KRT76: variants seen among roughly 807,000 people sequenced by gnomAD.
KRT76 encodes keratin 76, also known as keratin, type II cytoskeletal 2 oral.
In KRT76, 47 loss-of-function variants were observed where a neutral mutation model predicts 44.9. The ratio of observed to expected loss-of-function variants is 1.05; its 90% CI spans 0.83 to 1.33. The LOEUF is 1.33. Ranked by LOEUF, KRT76 falls within the 40% of genes most tolerant of loss-of-function variation. The pLI is 0.00. For synonymous variants in KRT76, 331 were observed against 294.1 expected (o/e 1.13, Z -1.28); for missense variants, 860 against 775.8 (o/e 1.11, Z -1.29).
chr12:52,773,710 C>T, intron 2 of KRT76, 68 bp from the exon 3 acceptor site: 1 of 1,337,968 alleles, frequency 7.5e-7, no homozygotes. Flanking sequence ...GTGAGGATTC[C>T]AGGCACTCTC....
Position 52,771,095 on chromosome 12 carries a change from C to A in KRT76, c.1388G>T (p.Arg463Leu), listed in dbSNP as rs199634546. Residue 463 changes from arginine (R) to leucine (L), a missense_variant, in exon 7 of 9, where the codon CGG (arginine) becomes CTG (leucine). Physicochemically the swap from Arg to Leu is moderately radical, Grantham distance 102. Coordinates refer to ENST00000332411, the MANE Select transcript of KRT76 (RefSeq NM_015848.4). ...CAGCTCCTGGTAGTCACGCAGGAGC[C>A]GAGCCAGGTCATCCTTAGCCTTCTG... ...ALQKAKDDLA[R>L]LLRDYQELMN... 6.2e-7 allele frequency: 1 copy of A among 1,612,752 alleles called. No individual in the cohort carries two copies. Among genetic ancestry groups the A allele is most frequent in the Non-Finnish European group, 8.5e-7 (1 of 1,179,692 alleles).
chr12:52,777,253 C>T lies in KRT76; in HGVS notation c.39G>A (p.Arg13=), dbSNP rs1190124025. The T allele has an allele frequency of 7.4e-6, 12 of 1,614,084 alleles. No individual in the cohort carries two copies. Among genetic ancestry groups the T allele is most frequent in the Non-Finnish European group, 1.0e-5 (12 of 1,180,052 alleles). Residue 13 remains arginine (R), a synonymous_variant, in exon 1 of 9, where the codon AGG becomes AGA. Transcript: ENST00000332411. The part of the protein sequence containing the change: ...RQVCKKSFSG[R]SQGFSGRSAV... ...CAGAGCGGCCAGAGAAACCCTGGCT[C>T]CTGCCACTGAAGGATTTCTTGCAAA...
rs769618511 is a variant in KRT76 at position 52,770,928 on chromosome 12, G to T, written c.1484+71C>A. The T allele has an allele frequency of 3.1e-6, 5 of 1,588,184 alleles. No individual in the cohort carries two copies. The African/African-American group carries it at 5.4e-5, about 17-fold the overall frequency. Reference sequence around the variant, plus strand: ...TTAGTGTTCCTCTCCTTATCATCTTGCCCCCTTTCCACATTATCAAAGGTC... The same window carrying T: ...TTAGTGTTCCTCTCCTTATCATCTTTCCCCCTTTCCACATTATCAAAGGTC... On this transcript the variant is annotated intron_variant, in intron 7 of 8. Coordinates refer to ENST00000332411, the MANE Select transcript of KRT76 (RefSeq NM_015848.4).
chr12:52,775,374 G>A lies in KRT76; in HGVS notation c.815+14C>T, dbSNP rs1939244497. 2 of 1,613,010 alleles carry A rather than the reference G, an allele frequency of 1.2e-6. No individual in the cohort carries two copies. The highest frequency in any genetic ancestry group is 1.1e-5 in the South Asian group (1 of 91,044). On this transcript the variant is annotated intron_variant, in intron 2 of 8. Transcript: ENST00000332411. ...ATTCCCCAGAAGGGGAAACTTCCCA[G>A]GAGGAGCCCTCACTTCTTTTTGAAG...
At chr12:52,773,696 A>G in intron 2 of KRT76, 54 bp from the exon 3 acceptor site, 2 of 1,509,840 alleles carry the variant, frequency 1.3e-6, no homozygotes, top group Non-Finnish European at 1.8e-6. Flanking sequence ...AGTAAAAAAG[A>G]GAGGTGAGGA....
In KRT76 at chr12:52,768,830, G is replaced by A. The variant is rs1939131816; in HGVS notation, c.1800C>T (p.Ser600=). 6.2e-7 allele frequency: 1 copy of A among 1,613,980 alleles called. No homozygotes were observed. The highest frequency in any genetic ancestry group is 2.2e-5 in the East Asian group (1 of 44,872). The change falls in exon 9 of 9, where the codon TCC becomes TCT. Residue 600 remains serine (S), a synonymous_variant. Coordinates refer to ENST00000332411, the MANE Select transcript of KRT76 (RefSeq NM_015848.4). ...CAGAAGTCTGGATGCTGCCAGAGCTGGAGCCCATTCCACTGTGGCTCACGG... is the reference window on the plus strand; with the variant it reads ...CAGAAGTCTGGATGCTGCCAGAGCTAGAGCCCATTCCACTGTGGCTCACGG... ...SISVSHSGMG[S]SSGSIQTSGG...
intron 3 of KRT76, 84 bp downstream of exon 3, chr12:52,773,498 C>A: frequency 1.1e-6 from 1 of 937,438 alleles, no homozygotes; most frequent in Non-Finnish European, 1.7e-6. Flanking sequence ...GGTCCCTGTG[C>A]CCCAGAACAG....
chr12:52,771,063 C>T lies in KRT76; in HGVS notation c.1420G>A (p.Val474Ile), dbSNP rs61730596. 16,224 of 1,614,100 alleles carry T rather than the reference C, an allele frequency of 0.01. 120 individuals carry two copies. The highest frequency in any genetic ancestry group is 0.023 in the South Asian group (2,108 of 91,076). ...LLRDYQELMNVKLALDVEIAT... is the reference protein window; with the variant it reads ...LLRDYQELMNIKLALDVEIAT... ...ATCTCCACATCCAGGGCCAGCTTGA[C>T]GTTCATCAGCTCCTGGTAGTCACGC... The change falls in exon 7 of 9, where the codon GTC (valine) becomes ATC (isoleucine). Residue 474 changes from valine (V) to isoleucine (I), a missense_variant. Val to Ile is a conservative substitution (Grantham distance 29). Transcript: ENST00000332411.
chr12:52,777,148 G>A lies in KRT76; in HGVS notation c.144C>T (p.Ser48=), dbSNP rs748744092. Residue 48 remains serine (S), a synonymous_variant, in exon 1 of 9, where the codon AGC becomes AGT. Coordinates refer to ENST00000332411, the MANE Select transcript of KRT76 (RefSeq NM_015848.4). The stretch of plus-strand genomic sequence containing the variant: ...TGCGACTGCCAAAGCTGCCTGCTCC[G>A]CTCCTGAAGCCACAGGCCCCTCCAC... The part of the protein sequence containing the change: ...GAGGGACGFR[S]GAGSFGSRSL... 8.1e-5 allele frequency: 131 copies of A among 1,614,030 alleles called. 1 individual carries two copies. The highest frequency in any genetic ancestry group is 4.7e-4 in the South Asian group (43 of 91,076).
intron 1 of KRT76, among the ~76,000 whole-genome samples, chr12:52,776,194 C>T (rs908370195): frequency 5.9e-5 from 9 of 152,158 alleles, no homozygotes; most frequent in Non-Finnish European, 1.2e-4. Context: ...CCCAGAACAC[C>T]CTCCTCTGCC....
chr12:52,773,517 G>C, intron 3 of KRT76, 65 bp downstream of exon 3: 1 of 1,171,334 alleles, frequency 8.5e-7, no homozygotes. Flanking sequence ...AGCTGGCTGT[G>C]CACTCTCTCC....
Position 52,776,869 on chromosome 12 carries a change from A to G in KRT76, c.423T>C (p.Gly141=). 5.0e-6 allele frequency: 8 copies of G among 1,612,628 alleles called. No homozygotes were observed. The highest frequency in any genetic ancestry group is 3.4e-5 in the Admixed American group (2 of 59,622). ...PGVFGGPGSF[G]GPGGFGPGGF... Reference sequence around the variant, plus strand: ...CCCCAGGGCCAAAGCCACCAGGACCACCAAAGCTGCCAGGCCCACCAAATA... The same window carrying G: ...CCCCAGGGCCAAAGCCACCAGGACCGCCAAAGCTGCCAGGCCCACCAAATA... The change falls in exon 1 of 9, where the codon GGT becomes GGC. Residue 141 remains glycine, a synonymous_variant. Transcript: ENST00000332411.
At chr12:52,773,208 G>A (rs1939212612) in intron 3 of KRT76, among the ~76,000 whole-genome samples, 1 of 152,124 alleles carries the variant, frequency 6.6e-6, no homozygotes, top group Non-Finnish European at 1.5e-5. Flanking sequence ...ACAGAAATTA[G>A]GGTATTCTCA....
chr12:52,768,477 A>AAC lies in KRT76; in HGVS notation c.*235_*236insGT. On this transcript the variant is annotated 3_prime_UTR_variant, in exon 9 of 9. Coordinates refer to ENST00000332411, the MANE Select transcript of KRT76 (RefSeq NM_015848.4). ...GGGCTCAGGGGTTGCTGTCCAAAGT[A>AAC]AGGGGCCATTGCAGGAAGGTTTCCA... 6.2e-6 allele frequency: 3 copies of AAC among 485,276 alleles called. No homozygotes were observed. The highest frequency in any genetic ancestry group is 1.1e-5 in the Non-Finnish European group (3 of 274,286). The allele number at this position is 485,276 out of a possible 1,614,324, so 30.1% of individuals were successfully genotyped here. A position where few individuals can be genotyped will look rare whatever the true frequency, so the allele number is the denominator to read the frequency against.
chr12:52,770,309 G>A (rs1258359546), intron 7 of KRT76, among the ~76,000 whole-genome samples: 1 of 152,152 alleles, frequency 6.6e-6, no homozygotes, highest in Non-Finnish European at 1.5e-5. Context: ...GCTACCCAAG[G>A]ACAGAGGGTT....
chr12:52,772,304 G>T (rs780045971), intron 4 of KRT76, 46 bp from the exon 5 acceptor site: 2 of 1,523,372 alleles, frequency 1.3e-6, no homozygotes, highest in Non-Finnish European at 1.8e-6. Context: ...CTGGACCAGG[G>T]GATGCTGGGA....
Position 52,771,219 on chromosome 12 carries a change from T to G in KRT76, c.1264A>C (p.Asn422His), listed in dbSNP as rs1338506601. 1 of 1,614,094 alleles carries G rather than the reference T, an allele frequency of 6.2e-7. No homozygotes were observed. Among genetic ancestry groups the G allele is most frequent in the Admixed American group, 1.7e-5 (1 of 60,018 alleles). Residue 422 changes from asparagine to histidine, a missense_variant and splice_region_variant, in exon 7 of 9, where the codon AAT becomes CAT. By Grantham distance (68) the Asn-to-His change is moderately conservative. Coordinates refer to ENST00000332411, the MANE Select transcript of KRT76 (RefSeq NM_015848.4). ...GCAATTGCCGTCTGCAGGTTGGCAT[T>G]CTGAGGTAGAAAATCAATTAGCATA... ...RAEIENVKKQ[N>H]ANLQTAIAEA...
In KRT76 at chr12:52,768,769, T is replaced by TGCTG. The variant is rs776016648; in HGVS notation, c.1857_1860dup (p.Thr621GlnfsTer16). 25 of 1,612,096 alleles carry TGCTG rather than the reference T, an allele frequency of 1.6e-5. No individual in the cohort carries two copies. In the South Asian group the frequency reaches 2.6e-4, roughly 17 times the overall value. On this transcript the variant is annotated frameshift_variant, in exon 9 of 9. Transcript: ENST00000332411. LOFTEE classifies it high-confidence loss of function. ...GTGGTCTGGGAGAAGCGGATACTGG[T>TGCTG]GCTGCCTCCACCACCAGACTTGTAG...
chr12:52,771,370 A>T, intron 6 of KRT76, 151 bp from the exon 7 acceptor site: 1 of 777,850 alleles, frequency 1.3e-6, no homozygotes. Flanking sequence ...TCAGTTTTGC[A>T]GTTGGTTAAT....
Sources: allele counts gnomAD v4.1 joint callset (sites outside exome capture counted in the v4.1 genomes callset), GRCh38; gene constraint gnomAD v4.1.1; transcripts MANE v1.5; gene names NCBI Gene and HGNC (gene_info 2026-07-23, HGNC 2026-07-21).